The following APOB variants were observed in gnomAD, a reference collection of about 807,000 sequenced individuals.
The protein encoded by APOB is apolipoprotein B, also known as apolipoprotein B-100.
A neutral mutation model predicts 314.1 loss-of-function variants in APOB; 153 were observed. That is an observed-to-expected ratio of 0.49 (90% CI 0.43 to 0.56). APOB has a LOEUF of 0.56. Among genes scored for constraint, APOB ranks in the 20% least tolerant of loss-of-function variants. The pLI, the probability that APOB is intolerant of heterozygous loss-of-function variation, is 0.00. For missense variants in APOB, 5,430 were observed against 5,350.7 expected (o/e 1.01, Z -0.46); for synonymous variants, 2,087 against 2,036.4 (o/e 1.02, Z -0.67).
rs1663324673 is a variant in APOB, at chr2:21,011,673, C to T, written c.5195G>A (p.Ser1732Asn). 1 of 1,614,220 alleles carries T rather than the reference C, an allele frequency of 6.2e-7. No homozygotes were observed. The highest frequency in any genetic ancestry group is 8.5e-7 in the Non-Finnish European group (1 of 1,180,040). ...DSKNIFNFKV[S>N]QEGLKLSNDM... ...ATTTGAGAGCTTAAGTCCTTCTTGA[C>T]TGACCTTGAAGTTGAAAATGTTTTT... Residue 1732 changes from serine to asparagine, a missense_variant, in exon 26 of 29, where the codon AGT becomes AAT. This residue lies in a region of APOB where 2,085 missense variants were observed against 2,079.7 expected (regional missense o/e 1.00). Coordinates refer to ENST00000233242, the MANE Select transcript of APOB (RefSeq NM_000384.3).
Position 21,007,413 on chromosome 2 carries a change from A to G in APOB, c.9455T>C (p.Leu3152Pro). ...TTCCTTCAAGCCTGTTTTTTCCCAT[A>G]GAGAGAAATCTTTCAGTGGAGGAGT... ...ITTPPLKDFS[L>P]WEKTGLKEFL... The change falls in exon 26 of 29, where the codon CTA (leucine) becomes CCA (proline). Residue 3152 changes from leucine to proline, a missense_variant. Around this residue, in one of 3 missense-constraint regions of APOB, gnomAD observed 3,281 missense variants for 3,171.0 expected, o/e 1.03. Transcript: ENST00000233242. The G allele has an allele frequency of 6.2e-7, 1 of 1,613,990 alleles. No homozygotes were observed. The highest frequency in any genetic ancestry group is 8.5e-7 in the Non-Finnish European group (1 of 1,179,940).
chr2:21,007,355 T>C lies in APOB; in HGVS notation c.9513A>G (p.Leu3171=). ...FLKTTKQSFD[L]SVKAQYKKNK... The stretch of plus-strand genomic sequence containing the variant: ...TTTTCTTATACTGAGCTTTTACACT[T>C]AAATCAAATGATTGCTTTGTCGTTT... Residue 3171 remains leucine, a synonymous_variant, in exon 26 of 29, where the codon TTA becomes TTG. Transcript: ENST00000233242. The C allele has an allele frequency of 6.2e-7, 1 of 1,614,082 alleles. No homozygotes were observed. Among genetic ancestry groups the C allele is most frequent in the Non-Finnish European group, 8.5e-7 (1 of 1,179,962 alleles).
At chr2:21,036,699 G>C (rs952382539) in intron 6 of APOB, among the ~76,000 whole-genome samples, 2 of 152,172 alleles carry the variant, frequency 1.3e-5, no homozygotes, top group African/African-American at 4.8e-5. Context: ...TTCTTCAAAG[G>C]CCAGAGGCTT....
chr2:21,034,288 G>T (rs1242841160), intron 8 of APOB, among the ~76,000 whole-genome samples: 1 of 152,126 alleles, frequency 6.6e-6, no homozygotes, highest in Non-Finnish European at 1.5e-5. Context: ...TGTAGAATAG[G>T]TATAAAATCA....
chr2:21,032,319 G>C, intron 10 of APOB, 35 bp downstream of exon 10: 2 of 1,574,118 alleles, frequency 1.3e-6, no homozygotes, highest in Non-Finnish European at 1.7e-6. Flanking sequence ...ATGTTCCTCT[G>C]CTCCTAGGAG....
In APOB at chr2:21,014,472, A is replaced by T. The variant is rs772873744; in HGVS notation, c.3818T>A (p.Ile1273Asn). 56 of 1,613,946 alleles carry T rather than the reference A, an allele frequency of 3.5e-5. No homozygotes were observed. Among genetic ancestry groups the T allele is most frequent in the Non-Finnish European group, 4.6e-5 (54 of 1,180,014 alleles). The change falls in exon 24 of 29, where the codon ATC becomes AAC. Residue 1273 changes from isoleucine to asparagine, a missense_variant. Around this residue, in one of 3 missense-constraint regions of APOB, gnomAD observed 2,085 missense variants for 2,079.7 expected, o/e 1.00. Coordinates refer to ENST00000233242, the MANE Select transcript of APOB (RefSeq NM_000384.3). ...LQNMGLPDFHIPENLFLKSDG... is the reference protein window; with the variant it reads ...LQNMGLPDFHNPENLFLKSDG... ...CCTTTTTAAGAAGAGGTTTTCTGGG[A>T]TGTGGAAGTCTGGCAATCCCATGTT...
rs777003657 is a variant in APOB at position 21,007,022 on chromosome 2, A to C, written c.9846T>G (p.Ser3282Arg). 1 of 1,614,048 alleles carries C rather than the reference A, an allele frequency of 6.2e-7. No homozygotes were observed. Among genetic ancestry groups the C allele is most frequent in the Admixed American group, 1.7e-5 (1 of 59,994 alleles). ...GGACGTCAGAACCTAGGATGGAGAA[A>C]CTAGGCATGCTGACTGCTTTTGGGA... Reference protein sequence around the residue: ...YVFPKAVSMPSFSILGSDVRV... With the variant: ...YVFPKAVSMPRFSILGSDVRV... Residue 3282 changes from serine to arginine, a missense_variant, in exon 26 of 29, where the codon AGT (serine) becomes AGG (arginine). Transcript: ENST00000233242.
In APOB at chr2:21,009,463, A is replaced by G. The variant is rs768221258; in HGVS notation, c.7405T>C (p.Phe2469Leu). ...ACTGTGGCCTTGGTTTCCTCTAAAA[A>G]CAGTTTTAATGCTTCAGCTTTTTGT... ...LPQKAEALKL[F>L]LEETKATVAV... The change falls in exon 26 of 29, where the codon TTT becomes CTT. Residue 2469 changes from phenylalanine to leucine, a missense_variant. Phe to Leu is a conservative substitution (Grantham distance 22). Coordinates refer to ENST00000233242, the MANE Select transcript of APOB (RefSeq NM_000384.3). The G allele has an allele frequency of 6.2e-7, 1 of 1,614,020 alleles. No individual in the cohort carries two copies. Among genetic ancestry groups the G allele is most frequent in the Non-Finnish European group, 8.5e-7 (1 of 1,179,956 alleles).
chr2:21,020,478 A>G (rs1484206534), intron 18 of APOB, among the ~76,000 whole-genome samples: 1 of 152,150 alleles, frequency 6.6e-6, no homozygotes, highest in Admixed American at 6.5e-5. Context: ...AAATGCTTTC[A>G]TCAATGTCTC....
In APOB at chr2:21,009,311, T is replaced by C. The variant is rs1292414429; in HGVS notation, c.7557A>G (p.Thr2519=). Residue 2519 remains threonine, a synonymous_variant, in exon 26 of 29, where the codon ACA becomes ACG. Transcript: ENST00000233242. ...KAKFRETLED[T]RDRMYQMDIQ... Reference sequence around the variant, plus strand: ...TGTCCATTTGATACATTCGGTCTCGTGTATCTTCTAGGGTCTCTCGGAATT... The same window carrying C: ...TGTCCATTTGATACATTCGGTCTCGCGTATCTTCTAGGGTCTCTCGGAATT... 1.2e-6 allele frequency: 2 copies of C among 1,614,132 alleles called. No individual in the cohort carries two copies. Among genetic ancestry groups the C allele is most frequent in the Non-Finnish European group, 1.7e-6 (2 of 1,179,988 alleles).
chr2:21,015,037 A>T (rs1232928189), intron 23 of APOB, 36 bp downstream of exon 23: 38 of 1,588,206 alleles, frequency 2.4e-5, no homozygotes, highest in Non-Finnish European at 3.2e-5. Context: ...TAGCACTTAT[A>T]TCCATGTATT....
chr2:21,030,097 A>G, intron 10 of APOB, 82 bp from the exon 11 acceptor site: 1 of 863,894 alleles, frequency 1.2e-6, no homozygotes, highest in Non-Finnish European at 1.9e-6. Flanking sequence ...ATTAGAAAAA[A>G]TAATTATAAA....
intron 16 of APOB, chr2:21,024,668 G>T (rs1431310550): frequency 9.7e-6 from 6 of 618,362 alleles, no homozygotes; most frequent in African/African-American, 3.7e-5. Context: ...GGTAGAGGAA[G>T]GTATACCGAA....
At position 21,012,712 on chromosome 2, in the gene APOB, A is replaced by G. The variant is rs1004051196; in HGVS notation, c.4217-61T>C. 9.0e-6 allele frequency: 14 copies of G among 1,561,514 alleles called. No homozygotes were observed. The African/African-American group carries it at 1.8e-4, about 20-fold the overall frequency. Reference sequence around the variant, plus strand: ...GCAGTACATTTCCAGAGCAATCTCTATGTTGAAAGTCTTTCAATAATAAAG... The same window carrying G: ...GCAGTACATTTCCAGAGCAATCTCTGTGTTGAAAGTCTTTCAATAATAAAG... On this transcript the variant is annotated intron_variant, in intron 25 of 28. Coordinates refer to ENST00000233242, the MANE Select transcript of APOB (RefSeq NM_000384.3).
chr2:21,015,036 T>C, intron 23 of APOB, 37 bp downstream of exon 23: 2 of 1,578,828 alleles, frequency 1.3e-6, no homozygotes, highest in Non-Finnish European at 8.7e-7. Flanking sequence ...TTAGCACTTA[T>C]ATCCATGTAT....
intron 21 of APOB, 29 bp from the exon 22 acceptor site, chr2:21,015,574 A>C: frequency 6.2e-7 from 1 of 1,605,864 alleles, no homozygotes; most frequent in Non-Finnish European, 8.5e-7. Flanking sequence ...GTTGGCACCA[A>C]TGATTTTGTC....
At chr2:21,038,801 C>A (rs1031499476) in intron 4 of APOB, among the ~76,000 whole-genome samples, 1 of 152,334 alleles carries the variant, frequency 6.6e-6, no homozygotes, top group Admixed American at 6.5e-5. Flanking sequence ...CAGAGTCATA[C>A]AAAGATTTTG....
chr2:21,002,592 G>C lies in APOB; in HGVS notation c.12830C>G (p.Ser4277Ter), dbSNP rs972943191. Residue 4277 changes from serine (S) to a stop codon, truncating the protein, a stop_gained, in exon 29 of 29, where the codon TCA (serine) becomes TGA (stop). Coordinates refer to ENST00000233242, the MANE Select transcript of APOB (RefSeq NM_000384.3). LOFTEE classifies it low-confidence loss of function (END_TRUNC). ...TTTAAATACCTCTTGGGCTTCTTTT[G>C]ATAAATCTTTCAACAGTTCCCTATA... Reference protein sequence around the residue: ...SMYRELLKDLSKEAQEVFKAI... With the variant: ...SMYRELLKDL 6.2e-7 allele frequency: 1 copy of C among 1,613,984 alleles called. No homozygotes were observed. Among genetic ancestry groups the C allele is most frequent in the East Asian group, 2.2e-5 (1 of 44,882 alleles).
At chr2:21,038,410 C>T (rs3762565) in intron 4 of APOB, among the ~76,000 whole-genome samples, 2 of 152,066 alleles carry the variant, frequency 1.3e-5, no homozygotes, top group East Asian at 3.9e-4. Context: ...AACCTCAGCT[C>T]ACTGCAACCT....
Sources: gnomAD v4.1 joint callset for allele counts (sites outside exome capture counted in the v4.1 genomes callset) on GRCh38, gnomAD v4.1.1 for gene constraint, gnomAD v4.1.1 regional missense constraint, MANE v1.5 for transcripts, NCBI Gene and HGNC (gene_info 2026-07-23, HGNC 2026-07-21) for gene names.